CAPZB: variants seen among roughly 807,000 people sequenced by gnomAD.
CAPZB encodes the protein capping actin protein of muscle Z-line subunit beta.
A neutral mutation model predicts 38.1 loss-of-function variants in CAPZB; 2 were observed. That is an observed-to-expected ratio of 0.05 (90% CI 0.02 to 0.17). The LOEUF is 0.17. CAPZB is among the 10% of genes least tolerant of loss of function. The pLI is 1.00. For synonymous variants in CAPZB, 107 were observed against 127.4 expected (o/e 0.84, Z 1.08); for missense variants, 161 against 334.2 (o/e 0.48, Z 4.04).
chr1:19,397,535 A>G lies in CAPZB; in HGVS notation c.94-11909T>C, dbSNP rs550747831. On this transcript the variant is annotated intron_variant, in intron 2 of 8. Coordinates refer to ENST00000264202, the MANE Select transcript of CAPZB (RefSeq NM_004930.5). The stretch of plus-strand genomic sequence containing the variant: ...CCTAGCAGGCAAAATAATTCAGCTG[A>G]AAGAGTCACCAGCTGGATGGTGGCA... Among the ~76,000 whole-genome samples the G allele has an allele frequency of 2.0e-5, 3 of 152,248 alleles. No homozygotes were observed. In the East Asian group the frequency reaches 5.8e-4, roughly 29 times the overall value.
intron 1 of CAPZB, among the ~76,000 whole-genome samples, chr1:19,455,054 G>A (rs538757402): frequency 1.3e-5 from 2 of 152,360 alleles, no homozygotes; most frequent in South Asian, 4.1e-4. Flanking sequence ...GGATGCGGAG[G>A]GCCCGGAGGG....
At chr1:19,458,098 C>T (rs2094538676) in intron 1 of CAPZB, among the ~76,000 whole-genome samples, 2 of 64,176 alleles carry the variant, frequency 3.1e-5, no homozygotes, top group South Asian at 1.6e-3. Flanking sequence ...AAAGGAGTTG[C>T]CAAAAAAAAA....
intron 1 of CAPZB, among the ~76,000 whole-genome samples, chr1:19,442,003 T>G (rs1570279821): frequency 1.2e-5 from 1 of 80,894 alleles, no homozygotes; most frequent in South Asian, 3.7e-4. Flanking sequence ...AGCAAGACTC[T>G]GTCTCCAAAA....
chr1:19,386,573 A>G (rs1428011785), intron 2 of CAPZB, among the ~76,000 whole-genome samples: 1 of 152,222 alleles, frequency 6.6e-6, no homozygotes, highest in Non-Finnish European at 1.5e-5. Context: ...CAAAGACACC[A>G]GCAGAGCAGC....
At chr1:19,446,669 C>A (rs2100670777) in intron 1 of CAPZB, among the ~76,000 whole-genome samples, 1 of 152,262 alleles carries the variant, frequency 6.6e-6, no homozygotes, top group Non-Finnish European at 1.5e-5. Context: ...GGGAAGTGAT[C>A]ATCTACTGTG....
chr1:19,457,606 G>A (rs1009290334), intron 1 of CAPZB, among the ~76,000 whole-genome samples: 9 of 152,148 alleles, frequency 5.9e-5, no homozygotes, highest in Non-Finnish European at 1.0e-4. Context: ...GAAAAATGAG[G>A]GACGATGTAC....
At chr1:19,423,901 G>A (rs756499069) in intron 1 of CAPZB, among the ~76,000 whole-genome samples, 6 of 152,006 alleles carry the variant, frequency 3.9e-5, no homozygotes, top group South Asian at 2.1e-4. Flanking sequence ...GGTCTCAAAC[G>A]CTTGACCTCA....
At chr1:19,340,265 G>T (rs2093920640) in intron 8 of CAPZB, among the ~76,000 whole-genome samples, 1 of 152,218 alleles carries the variant, frequency 6.6e-6, no homozygotes, top group Non-Finnish European at 1.5e-5. Context: ...TCAGGCCTCT[G>T]CTGTGAGGCA....
At chr1:19,459,497 C>T (rs1301046008) in intron 1 of CAPZB, among the ~76,000 whole-genome samples, 2 of 152,134 alleles carry the variant, frequency 1.3e-5, no homozygotes, top group South Asian at 2.1e-4. Context: ...CCTTCTACCA[C>T]GCCTTGCTCA....
chr1:19,362,894 G>C (rs2094061284), intron 4 of CAPZB, among the ~76,000 whole-genome samples: 1 of 152,072 alleles, frequency 6.6e-6, no homozygotes, highest in African/African-American at 2.4e-5. Flanking sequence ...CATGAAGTGG[G>C]GGGGCCTCAG....
intron 1 of CAPZB, among the ~76,000 whole-genome samples, chr1:19,436,902 C>A (rs12137162): frequency 0.23 from 35,324 of 152,094 alleles, 4,451 homozygotes; most frequent in Non-Finnish European, 0.28. Context: ...CAGTGCTGGA[C>A]TCTGTGTACC....
chr1:19,362,038 C>A (rs938664994), intron 4 of CAPZB, among the ~76,000 whole-genome samples: 1 of 152,156 alleles, frequency 6.6e-6, no homozygotes, highest in Admixed American at 6.5e-5. Flanking sequence ...CCTGCCCATG[C>A]CTGATAATTT....
chr1:19,447,639 C>T (rs2088823), intron 1 of CAPZB, among the ~76,000 whole-genome samples: 54,762 of 151,868 alleles, frequency 0.36, 10,036 homozygotes, highest in African/African-American at 0.42. Flanking sequence ...AGCAATCCAG[C>T]GAAATGGTGA....
At chr1:19,371,420 CG>C (rs2094118899) in intron 4 of CAPZB, among the ~76,000 whole-genome samples, 1 of 152,232 alleles carries the variant, frequency 6.6e-6, no homozygotes, top group South Asian at 2.1e-4. Flanking sequence ...GGACGCAAGG[CG>C]TGAGTGCAGC....
chr1:19,475,470 G>A (rs1390207281), intron 1 of CAPZB, among the ~76,000 whole-genome samples: 1 of 150,158 alleles, frequency 6.7e-6, no homozygotes, highest in African/African-American at 2.4e-5. Flanking sequence ...TTAGGATCAC[G>A]GCTCCCACCA....
intron 8 of CAPZB, chr1:19,342,682 C>A: frequency 1.0e-6 from 1 of 959,068 alleles, no homozygotes; most frequent in Non-Finnish European, 1.7e-6. Flanking sequence ...GCAGCCGGAC[C>A]GGCAGGGTCT....
intron 3 of CAPZB, among the ~76,000 whole-genome samples, chr1:19,384,643 A>T (rs2094194350): frequency 6.6e-6 from 1 of 152,158 alleles, no homozygotes; most frequent in South Asian, 2.1e-4. Flanking sequence ...CAAAGAGAGC[A>T]TCAGGGTGAA....
chr1:19,460,800 T>C (rs965058757), intron 1 of CAPZB, among the ~76,000 whole-genome samples: 1 of 151,864 alleles, frequency 6.6e-6, no homozygotes, highest in African/African-American at 2.4e-5. Context: ...TATCACTCCT[T>C]AAGAGCAACA....
At chr1:19,424,155 A>T (rs1314079609) in intron 1 of CAPZB, among the ~76,000 whole-genome samples, 1 of 151,938 alleles carries the variant, frequency 6.6e-6, no homozygotes, top group Admixed American at 6.6e-5. Context: ...GACTAATATA[A>T]CAAGGCTTTT....
Sources: allele counts gnomAD v4.1 joint callset (sites outside exome capture counted in the v4.1 genomes callset), GRCh38; gene constraint gnomAD v4.1.1; transcripts MANE v1.5; gene names NCBI Gene and HGNC (gene_info 2026-07-23, HGNC 2026-07-21).